Variants in PLEKHA5 observed in about 807,000 individuals in gnomAD.
PLEKHA5 encodes pleckstrin homology domain containing A5, also known as pleckstrin homology domain-containing family A member 5.
PLEKHA5 carries 55 observed loss-of-function variants against 181.9 expected under a neutral mutation model. That is an observed-to-expected ratio of 0.30 (90% CI 0.24 to 0.38). The LOEUF is 0.38. Among genes scored for constraint, PLEKHA5 ranks in the 10% least tolerant of loss-of-function variants. The pLI is 1.00. For missense variants in PLEKHA5, 1,432 were observed against 1,549.5 expected (o/e 0.92, Z 1.27); for synonymous variants, 535 against 529.4 (o/e 1.01, Z -0.15).
At chr12:19,291,721 A>C in intron 15 of PLEKHA5, 24 bp downstream of exon 15, 1 of 1,241,164 alleles carries the variant, frequency 8.1e-7, no homozygotes, top group Non-Finnish European at 1.1e-6. Flanking sequence ...AGATTTTCTT[A>C]CTTTTAATAC....
chr12:19,274,834 C>A lies in PLEKHA5; in HGVS notation c.1164C>A (p.Ser388Arg). ...CAGAGAACAAAATAGTCAATGTTAG[C>A]CTGGCAGATCTTAGAGGTGGAAATC... ...SSSENKIVNV[S>R]LADLRGGNRP... Residue 388 changes from serine (S) to arginine (R), a missense_variant, in exon 11 of 32, where the codon AGC becomes AGA. This residue lies in a region of PLEKHA5 where 1,143 missense variants were observed against 1,168.4 expected (regional missense o/e 0.98). Coordinates refer to ENST00000429027, the MANE Select transcript of PLEKHA5 (RefSeq NM_001256470.2). 6.2e-7 allele frequency: 1 copy of A among 1,614,124 alleles called. No homozygotes were observed. Among genetic ancestry groups the A allele is most frequent in the Non-Finnish European group, 8.5e-7 (1 of 1,180,018 alleles).
At chr12:19,265,152 CAT>C (rs1387780590) in intron 7 of PLEKHA5, among the ~76,000 whole-genome samples, 1 of 152,218 alleles carries the variant, frequency 6.6e-6, no homozygotes, top group African/African-American at 2.4e-5. Context: ...TATGTATTCA[CAT>C]GTCGTCTTCA....
At chr12:19,236,216 T>C (rs1489686207) in intron 3 of PLEKHA5, among the ~76,000 whole-genome samples, 1 of 152,224 alleles carries the variant, frequency 6.6e-6, no homozygotes, top group Non-Finnish European at 1.5e-5. Context: ...TCTTACCTTT[T>C]CTGCTAGTTA....
rs1199729475 is a variant in PLEKHA5, at chr12:19,196,828, T to G, written c.228-57112T>G. Among the ~76,000 whole-genome samples the G allele has an allele frequency of 3.1e-5, 3 of 97,780 alleles. No individual in the cohort carries two copies. The East Asian group carries it at 7.1e-4, about 23-fold the overall frequency. The allele number at this position is 97,780 out of a possible 152,430, so 64.1% of individuals were successfully genotyped here. A position where few individuals can be genotyped will look rare whatever the true frequency, so the allele number is the denominator to read the frequency against. Reference sequence around the variant, plus strand: ...TTTTTTTTTCTTTTTTTTTTTTTTTTAGAGAAATAGTGATTTTTCTTTTCA... The same window carrying G: ...TTTTTTTTTCTTTTTTTTTTTTTTTGAGAGAAATAGTGATTTTTCTTTTCA... On this transcript the variant is annotated intron_variant, in intron 3 of 31. Transcript: ENST00000429027.
intron 3 of PLEKHA5, chr12:19,176,408 TCAC>T (rs1297876623): frequency 6.6e-6 from 1 of 152,070 alleles, no homozygotes; most frequent in Non-Finnish European, 1.5e-5. Context: ...CTGGGCCAGT[TCAC>T]CACTCCTTAA....
At chr12:19,360,542 T>C (rs1034164977) in intron 28 of PLEKHA5, among the ~76,000 whole-genome samples, 6 of 150,992 alleles carry the variant, frequency 4.0e-5, no homozygotes, top group African/African-American at 1.5e-4. Flanking sequence ...AGTCAGAGGT[T>C]GCAATGAGCT....
Position 19,322,315 on chromosome 12 carries a change from G to A in PLEKHA5, c.2223G>A (p.Lys741=). ...CATCTTCTCTTATAACCTAGGCCAA[G>A]TTAAGCCGATTATGTGAACAAGATA... is the stretch of plus-strand genomic sequence containing the variant. ...YRPEEVDIDA[K]LSRLCEQDKV... is the part of the protein sequence containing the mutation. The change falls in exon 19 of 32, where the codon AAG becomes AAA. Residue 741 remains lysine, a synonymous_variant. Coordinates refer to ENST00000429027, the MANE Select transcript of PLEKHA5 (RefSeq NM_001256470.2). 1 of 1,611,942 alleles carries A rather than the reference G, an allele frequency of 6.2e-7. No individual in the cohort carries two copies. Among genetic ancestry groups the A allele is most frequent in the Non-Finnish European group, 8.5e-7 (1 of 1,178,252 alleles).
chr12:19,166,434 CTG>C (rs1357879797), intron 3 of PLEKHA5, among the ~76,000 whole-genome samples: 3 of 152,150 alleles, frequency 2.0e-5, no homozygotes, highest in African/African-American at 7.2e-5. Flanking sequence ...ATTTGAGTGT[CTG>C]TGGCTGTCTT....
At chr12:19,257,204 G>A (rs2067104655) in intron 5 of PLEKHA5, among the ~76,000 whole-genome samples, 1 of 152,092 alleles carries the variant, frequency 6.6e-6, no homozygotes, top group Non-Finnish European at 1.5e-5. Flanking sequence ...AGATTTTAAA[G>A]GAAAGATTGT....
intron 1 of PLEKHA5, 38 bp downstream of exon 1, chr12:19,129,926 G>C (rs747698468): frequency 5.1e-6 from 8 of 1,559,468 alleles, no homozygotes; most frequent in Non-Finnish European, 7.0e-6. Flanking sequence ...CCGCGGGGGC[G>C]GGAGGGCAGG....
At chr12:19,297,478 C>T (rs1000971934) in intron 15 of PLEKHA5, among the ~76,000 whole-genome samples, 5 of 150,752 alleles carry the variant, frequency 3.3e-5, no homozygotes, top group African/African-American at 7.3e-5. Context: ...AAAAATTAGC[C>T]GGGCGCGGTG....
intron 3 of PLEKHA5, among the ~76,000 whole-genome samples, chr12:19,250,457 C>T (rs2064983684): frequency 6.6e-6 from 1 of 152,102 alleles, no homozygotes; most frequent in African/African-American, 2.4e-5. Flanking sequence ...GTGGTGCATA[C>T]CTGTAGTCTC....
Position 19,257,554 on chromosome 12 carries a change from G to A in PLEKHA5, c.537+17G>A. On this transcript the variant is annotated intron_variant, in intron 6 of 31. Coordinates refer to ENST00000429027, the MANE Select transcript of PLEKHA5 (RefSeq NM_001256470.2). ...TATAAACAGGTATTTTTTTTTTTTT[G>A]ATATGAAACAAAAGACAGAATTAGA... is the stretch of plus-strand genomic sequence containing the variant. The A allele has an allele frequency of 9.1e-7, 1 of 1,104,696 alleles. No individual in the cohort carries two copies. The highest frequency in any genetic ancestry group is 1.4e-5 in the South Asian group (1 of 74,042). The allele number at this position is 1,104,696 out of a possible 1,614,324, so 68.4% of individuals were successfully genotyped here. A position where few individuals can be genotyped will look rare whatever the true frequency, so the allele number is the denominator to read the frequency against.
intron 26 of PLEKHA5, among the ~76,000 whole-genome samples, chr12:19,354,244 C>T (rs2094787721): frequency 1.4e-5 from 2 of 144,908 alleles, no homozygotes; most frequent in South Asian, 2.2e-4. Flanking sequence ...CTCCGCCTCC[C>T]GGGTTCACGC....
chr12:19,193,640 G>A (rs369359656), intron 3 of PLEKHA5, among the ~76,000 whole-genome samples: 1 of 152,064 alleles, frequency 6.6e-6, no homozygotes, highest in Non-Finnish European at 1.5e-5. Flanking sequence ...CCAGCACATC[G>A]TACCTACGAA....
chr12:19,223,000 C>CTTTTTTTTTT (rs62719560), intron 3 of PLEKHA5, among the ~76,000 whole-genome samples: 4 of 128,928 alleles, frequency 3.1e-5, no homozygotes, highest in Non-Finnish European at 3.2e-5. Context: ...GAAATTTTGT[C>CTTTTTTTTTT]TTTTTTTTTT....
intron 29 of PLEKHA5, 103 bp from the exon 30 acceptor site, chr12:19,365,861 T>A (rs2095410039): frequency 4.5e-6 from 3 of 666,014 alleles, no homozygotes; most frequent in African/African-American, 3.7e-5. Context: ...TAAGAAAATG[T>A]TCGTTGTTAA....
At chr12:19,306,331 G>A (rs1188280450) in intron 15 of PLEKHA5, 6 of 417,688 alleles carry the variant, frequency 1.4e-5, no homozygotes, top group Admixed American at 3.0e-5. Context: ...AGGCGAGGTG[G>A]GGGTGGCCGT....
At chr12:19,186,602 G>C (rs1288529849) in intron 3 of PLEKHA5, among the ~76,000 whole-genome samples, 1 of 152,132 alleles carries the variant, frequency 6.6e-6, no homozygotes, top group Non-Finnish European at 1.5e-5. Flanking sequence ...AGAGTAAAAA[G>C]TTTAGATTGA....
Sources: allele counts gnomAD v4.1 joint callset (sites outside exome capture counted in the v4.1 genomes callset), GRCh38; gene constraint gnomAD v4.1.1; regional missense constraint gnomAD v4.1.1; transcripts MANE v1.5; gene names NCBI Gene and HGNC (gene_info 2026-07-23, HGNC 2026-07-21).